ZNF500: variants seen among roughly 807,000 people sequenced by gnomAD.
ZNF500 encodes the protein zinc finger protein 500.
A neutral mutation model predicts 30.1 loss-of-function variants in ZNF500; 31 were observed. That is an observed-to-expected ratio of 1.03 (90% confidence interval 0.77 to 1.39). The LOEUF (loss-of-function observed/expected upper bound fraction) is 1.39, where lower values mean the gene tolerates loss of function less well. Among genes scored for constraint, ZNF500 ranks in the 40% most tolerant of loss-of-function variants. The probability of loss-of-function intolerance (pLI) is 0.00; values close to 1 mark genes in which losing one functional copy is unlikely to be tolerated. For synonymous variants in ZNF500, 392 were observed against 282.0 expected (o/e 1.39, Z -3.91); for missense variants, 817 against 657.8 (o/e 1.24, Z -2.65).
rs376380533 is a variant in ZNF500, at chr16:4,764,378, C to G, written c.414+1187G>C. Among the ~76,000 whole-genome samples, 49 of 152,162 alleles carry G rather than the reference C, an allele frequency of 3.2e-4. 1 individual carries two copies. The South Asian group carries it at 8.5e-3, about 26-fold the overall frequency. ...CTGTCTCTACTAAAAATACAAAAAT[C>G]AGCCTGGCGTGGTGGCAGATCCCTG... On this transcript the variant is annotated intron_variant, in intron 2 of 5. Coordinates refer to ENST00000219478, the MANE Select transcript of ZNF500 (RefSeq NM_021646.4).
downstream of ZNF500, chr16:4,747,217 T>A: frequency 7.7e-7 from 1 of 1,303,866 alleles, no homozygotes; most frequent in South Asian, 1.4e-5. Context: ...AGTGATGGGC[T>A]GCCTGAATTG....
chr16:4,753,746 C>T (rs2082108974), intron 5 of ZNF500, among the ~76,000 whole-genome samples: 1 of 152,188 alleles, frequency 6.6e-6, no homozygotes, highest in Non-Finnish European at 1.5e-5. Flanking sequence ...CTCTAGTGGG[C>T]AGGGGCCAGG....
chr16:4,752,208 C>T lies in ZNF500; in HGVS notation c.*168G>A. On this transcript the variant is annotated 3_prime_UTR_variant, in exon 6 of 6. Coordinates refer to ENST00000219478, the MANE Select transcript of ZNF500 (RefSeq NM_021646.4). ...CTTGCCCTTGTTCTGCACCCAGTGCCCAGCTTCCTCTGCGGCCTGGGCATC... is the reference window on the plus strand; with the variant it reads ...CTTGCCCTTGTTCTGCACCCAGTGCTCAGCTTCCTCTGCGGCCTGGGCATC... 1 of 1,420,546 alleles carries T rather than the reference C, an allele frequency of 7.0e-7. No individual in the cohort carries two copies. Among genetic ancestry groups the T allele is most frequent in the Non-Finnish European group, 9.1e-7 (1 of 1,093,436 alleles). 88.0% of individuals were successfully genotyped at this position (1,420,546 alleles called of 1,614,324 possible). A position where few individuals can be genotyped will look rare whatever the true frequency, so the allele number is the denominator to read the frequency against.
rs75277834 is a variant in ZNF500 at position 4,751,643 on chromosome 16, G to T, written c.*733C>A. Reference sequence around the variant, plus strand: ...GGTCCCTCAAATTCATGTGCACCCAGACCTCAGAATGTGACCTTATTTGGA... The same window carrying T: ...GGTCCCTCAAATTCATGTGCACCCATACCTCAGAATGTGACCTTATTTGGA... On this transcript the variant is annotated 3_prime_UTR_variant, in exon 6 of 6. Transcript: ENST00000219478. 1.3e-6 allele frequency: 2 copies of T among 1,535,270 alleles called. No individual in the cohort carries two copies. Among genetic ancestry groups the T allele is most frequent in the Non-Finnish European group, 1.7e-6 (2 of 1,146,672 alleles).
Position 4,752,882 on chromosome 16 carries a change from G to T in ZNF500, c.937C>A (p.Pro313Thr). The T allele has an allele frequency of 6.2e-7, 1 of 1,614,050 alleles. No individual in the cohort carries two copies. The highest frequency in any genetic ancestry group is 8.5e-7 in the Non-Finnish European group (1 of 1,180,034). ...GCCCCATGGGAAGCCCGTCTTCCTG[G>T]TGGGGGGCCGCCTCTTGGCTGATCA... ...RPDQPRGGPP[P>T]GRRASHGADK... The change falls in exon 6 of 6, where the codon CCA becomes ACA. Residue 313 changes from proline to threonine, a missense_variant. Coordinates refer to ENST00000219478, the MANE Select transcript of ZNF500 (RefSeq NM_021646.4).
In ZNF500 at chr16:4,752,393, G is replaced by A. The variant is rs1332560391; in HGVS notation, c.1426C>T (p.Pro476Ser). The A allele has an allele frequency of 1.3e-6, 2 of 1,508,282 alleles. No homozygotes were observed. Among genetic ancestry groups the A allele is most frequent in the South Asian group, 1.2e-5 (1 of 81,258 alleles). 93.4% of individuals were successfully genotyped at this position (1,508,282 alleles called of 1,614,324 possible). Reference sequence around the variant, plus strand: ...CCTGGTGATCAGGCTTTGGCACCGGGGCCTCCAGGAGCCACCGGCTGGAGC... The same window carrying A: ...CCTGGTGATCAGGCTTTGGCACCGGAGCCTCCAGGAGCCACCGGCTGGAGC... ...PTLQPVAPGGPGAKA is the reference protein window; with the variant it reads ...PTLQPVAPGGSGAKA Residue 476 changes from proline (P) to serine (S), a missense_variant, in exon 6 of 6, where the codon CCC becomes TCC. Transcript: ENST00000219478.
Position 4,765,811 on chromosome 16 carries a change from G to A in ZNF500, c.168C>T (p.Phe56=). 1.2e-6 allele frequency: 2 copies of A among 1,613,442 alleles called. No homozygotes were observed. Among genetic ancestry groups the A allele is most frequent in the South Asian group, 1.1e-5 (1 of 91,078 alleles). ...PETFRQLFRL[F]CYQEVAGPRE... is the part of the protein sequence containing the mutation. Reference sequence around the variant, plus strand: ...GGGGCCCAGCCACCTCCTGGTAGCAGAAGAGCCGGAAGAGCTGGCGGAAAG... The same window carrying A: ...GGGGCCCAGCCACCTCCTGGTAGCAAAAGAGCCGGAAGAGCTGGCGGAAAG... The change falls in exon 2 of 6, where the codon TTC becomes TTT. Residue 56 remains phenylalanine (F), a synonymous_variant. Coordinates refer to ENST00000219478, the MANE Select transcript of ZNF500 (RefSeq NM_021646.4).
rs146271803 is a variant in ZNF500, at chr16:4,762,295, C to T, written c.639G>A (p.Ser213=). The change falls in exon 4 of 6, where the codon TCG becomes TCA. Residue 213 remains serine, a synonymous_variant. Transcript: ENST00000219478. ...APRHQEMASA[S]PFLSAWSQVP... is the part of the protein sequence containing the mutation. ...CCTGGGACCAGGCCGAAAGGAAGGGCGAGGCTGACGCCATCTCCTGATGCC... is the reference window on the plus strand; with the variant it reads ...CCTGGGACCAGGCCGAAAGGAAGGGTGAGGCTGACGCCATCTCCTGATGCC... 1.6e-5 allele frequency: 26 copies of T among 1,611,194 alleles called. No homozygotes were observed. Among genetic ancestry groups the T allele is most frequent in the Middle Eastern group, 1.7e-4 (1 of 6,006 alleles).
At chr16:4,760,661 G>C in intron 4 of ZNF500, 73 bp from the exon 5 acceptor site, 7 of 1,392,346 alleles carry the variant, frequency 5.0e-6, no homozygotes, top group African/African-American at 2.8e-5. Context: ...CACTGGCCCA[G>C]GGAGCTGCAC....
At chr16:4,760,077 G>C (rs987869967) in intron 5 of ZNF500, among the ~76,000 whole-genome samples, 1 of 152,168 alleles carries the variant, frequency 6.6e-6, no homozygotes, top group Admixed American at 6.5e-5. Flanking sequence ...AAAGGCTTCA[G>C]CAGCATCAGG....
chr16:4,752,740 T>A lies in ZNF500; in HGVS notation c.1079A>T (p.Lys360Met). 1 of 1,614,178 alleles carries A rather than the reference T, an allele frequency of 6.2e-7. No homozygotes were observed. ...ERPYKCLVCG[K>M]GFSDRSNFST... ...GAAGTTGGAGCGGTCGCTAAAGCCC[T>A]TCCCACAGACTAGGCACTTGTAAGG... Residue 360 changes from lysine to methionine, a missense_variant, in exon 6 of 6, where the codon AAG (lysine) becomes ATG (methionine). Physicochemically the swap from Lys to Met is moderately conservative, Grantham distance 95. Coordinates refer to ENST00000219478, the MANE Select transcript of ZNF500 (RefSeq NM_021646.4).
intron 5 of ZNF500, among the ~76,000 whole-genome samples, chr16:4,756,077 A>G (rs1412954356): frequency 1.3e-5 from 2 of 152,204 alleles, no homozygotes; most frequent in Non-Finnish European, 2.9e-5. Flanking sequence ...CTTGTTGGGT[A>G]CGAGGTTTCC....
At position 4,751,765 on chromosome 16, in the gene ZNF500, G is replaced by A. The variant is rs922305496; in HGVS notation, c.*611C>T. 1.2e-5 allele frequency: 11 copies of A among 901,866 alleles called. No homozygotes were observed. Among genetic ancestry groups the A allele is most frequent in the African/African-American group, 8.2e-5 (5 of 60,658 alleles). 55.9% of individuals were successfully genotyped at this position (901,866 alleles called of 1,614,324 possible). ...TGGTGGCCCTACCAAAAAAGAGACT[G>A]GGCATGGCGGCACACACCTGTAACC... On this transcript the variant is annotated 3_prime_UTR_variant, in exon 6 of 6. Transcript: ENST00000219478.
At position 4,752,049 on chromosome 16, in the gene ZNF500, C is replaced by A; in HGVS notation, c.*327G>T. 7.8e-7 allele frequency: 1 copy of A among 1,287,360 alleles called. No homozygotes were observed. The highest frequency in any genetic ancestry group is 3.3e-5 in the East Asian group (1 of 30,616). The allele number at this position is 1,287,360 out of a possible 1,614,324, so 79.7% of individuals were successfully genotyped here. A position where few individuals can be genotyped will look rare whatever the true frequency, so the allele number is the denominator to read the frequency against. ...GGATGCTGGAGGCAGCTGATGGACC[C>A]TCCCAGGCCCTTCAGGAGCCAGCCC... On this transcript the variant is annotated 3_prime_UTR_variant, in exon 6 of 6. Coordinates refer to ENST00000219478, the MANE Select transcript of ZNF500 (RefSeq NM_021646.4).
Position 4,762,766 on chromosome 16 carries a change from G to A in ZNF500, c.415-10C>T, listed in dbSNP as rs373436982. On this transcript the variant is annotated splice_polypyrimidine_tract_variant and intron_variant, in intron 2 of 5. Coordinates refer to ENST00000219478, the MANE Select transcript of ZNF500 (RefSeq NM_021646.4). ...AAAGCAGCTCTGAGCCCTGCACACAGACAGTGATCTCCCCACCAGCTCCCA... is the reference window on the plus strand; with the variant it reads ...AAAGCAGCTCTGAGCCCTGCACACAAACAGTGATCTCCCCACCAGCTCCCA... 3.4e-5 allele frequency: 54 copies of A among 1,582,220 alleles called. 1 individual carries two copies. In the Admixed American group the frequency reaches 5.3e-4, roughly 16 times the overall value.
At chr16:4,763,069 T>G (rs2082225219) in intron 2 of ZNF500, 1 of 985,402 alleles carries the variant, frequency 1.0e-6, no homozygotes, top group South Asian at 4.7e-5. Context: ...CTGGACTAAT[T>G]TCAGAAGTTC....
At chr16:4,753,246 A>T (rs1259133839) in intron 5 of ZNF500, 188 bp from the exon 6 acceptor site, 2 of 1,215,008 alleles carry the variant, frequency 1.6e-6, no homozygotes, top group Non-Finnish European at 2.2e-6. Context: ...GGATTGCTTG[A>T]GCCCAGGAGT....
At chr16:4,761,761 G>A (rs1414478018) in intron 4 of ZNF500, among the ~76,000 whole-genome samples, 3 of 151,928 alleles carry the variant, frequency 2.0e-5, no homozygotes, top group Non-Finnish European at 2.9e-5. Context: ...GGAGGCTGAG[G>A]CAGGAGGATC....
In ZNF500 at chr16:4,749,224, C is replaced by G. The variant is rs1293587211; in HGVS notation, c.*3152G>C. 1 of 154,494 alleles carries G rather than the reference C, an allele frequency of 6.5e-6. No homozygotes were observed. The highest frequency in any genetic ancestry group is 1.5e-5 in the Non-Finnish European group (1 of 68,260). 9.6% of individuals were successfully genotyped at this position (154,494 alleles called of 1,614,324 possible). A position where few individuals can be genotyped will look rare whatever the true frequency, so the allele number is the denominator to read the frequency against. ...TGCCGCCAGAACCGGGCTCTGCCCC[C>G]ATACGCTGCCCTCGCAGCCTGGCGG... On this transcript the variant is annotated 3_prime_UTR_variant, in exon 6 of 6. Transcript: ENST00000219478.
Sources: gnomAD v4.1 joint callset for allele counts (sites outside exome capture counted in the v4.1 genomes callset) on GRCh38, gnomAD v4.1.1 for gene constraint, MANE v1.5 for transcripts, NCBI Gene and HGNC (gene_info 2026-07-23, HGNC 2026-07-21) for gene names.